TMPRSS15: variants seen among roughly 807,000 people sequenced by gnomAD.
TMPRSS15 encodes the protein transmembrane serine protease 15.
A neutral mutation model predicts 125.3 loss-of-function variants in TMPRSS15; 128 were observed. That is an observed-to-expected ratio of 1.02 (90% CI 0.89 to 1.18). The LOEUF is 1.18. TMPRSS15 is among the 50% of genes most tolerant of loss of function. TMPRSS15 has a pLI of 0.00. For synonymous variants in TMPRSS15, 446 were observed against 423.2 expected (o/e 1.05, Z -0.66); for missense variants, 1,283 against 1,212.7 (o/e 1.06, Z -0.86).
At chr21:18,398,016 C>T in intron 2 of TMPRSS15, 70 bp from the exon 3 acceptor site, 1 of 1,261,372 alleles carries the variant, frequency 7.9e-7, no homozygotes, top group Non-Finnish European at 1.1e-6. Context: ...AAAATTTATA[C>T]AAAGCAATCT....
intron 12 of TMPRSS15, among the ~76,000 whole-genome samples, chr21:18,341,776 A>G (rs1178661527): frequency 6.6e-6 from 1 of 152,174 alleles, no homozygotes; most frequent in African/African-American, 2.4e-5. Flanking sequence ...TAAATTTCCA[A>G]TGATGTCTTC....
At chr21:18,329,068 C>T in intron 15 of TMPRSS15, 101 bp downstream of exon 15, 3 of 1,391,782 alleles carry the variant, frequency 2.2e-6, no homozygotes, top group Non-Finnish European at 3.0e-6. Context: ...TTTCATTTTG[C>T]AAGTTGTAAA....
At chr21:18,367,577 G>T (rs573684766) in intron 6 of TMPRSS15, among the ~76,000 whole-genome samples, 2 of 152,252 alleles carry the variant, frequency 1.3e-5, no homozygotes, top group South Asian at 2.1e-4. Flanking sequence ...TGGACTCAAA[G>T]ATTGTAGACA....
At chr21:18,390,408 A>G (rs925702542) in intron 3 of TMPRSS15, among the ~76,000 whole-genome samples, 5 of 152,208 alleles carry the variant, frequency 3.3e-5, no homozygotes, top group African/African-American at 1.2e-4. Flanking sequence ...AACCTCTAAC[A>G]TAATATTCAT....
chr21:18,442,575 C>T (rs2076244769), intron 1 of TMPRSS15, among the ~76,000 whole-genome samples: 1 of 152,108 alleles, frequency 6.6e-6, no homozygotes, highest in African/African-American at 2.4e-5. Context: ...GAAAAAACTC[C>T]CTTGCATCAC....
chr21:18,347,739 A>T (rs543662047), intron 10 of TMPRSS15, among the ~76,000 whole-genome samples: 1 of 152,286 alleles, frequency 6.6e-6, no homozygotes, highest in South Asian at 2.1e-4. Context: ...TCATAACCAC[A>T]TGGGAATTTA....
intron 5 of TMPRSS15, among the ~76,000 whole-genome samples, chr21:18,376,862 G>A (rs542721499): frequency 5.3e-5 from 8 of 152,226 alleles, no homozygotes; most frequent in South Asian, 4.1e-4. Flanking sequence ...ACTTTGTACC[G>A]TTATCACAAA....
At chr21:18,301,613 G>A (rs76177385) in intron 18 of TMPRSS15, among the ~76,000 whole-genome samples, 2 of 152,082 alleles carry the variant, frequency 1.3e-5, no homozygotes, top group South Asian at 2.1e-4. Context: ...GGCACTCTGC[G>A]AAGATTAAAA....
intron 1 of TMPRSS15, among the ~76,000 whole-genome samples, chr21:18,437,544 C>T (rs1462693024): frequency 1.3e-5 from 2 of 152,086 alleles, no homozygotes; most frequent in Admixed American, 6.5e-5. Flanking sequence ...AGGCAACCTA[C>T]AAAATGGGAG....
chr21:18,337,828 C>T lies in TMPRSS15; in HGVS notation c.1564+3585G>A, dbSNP rs183416943. Among the ~76,000 whole-genome samples the T allele has an allele frequency of 5.9e-5, 9 of 152,238 alleles. No individual in the cohort carries two copies. The East Asian group carries it at 1.4e-3, about 23-fold the overall frequency. On this transcript the variant is annotated intron_variant, in intron 13 of 24. Coordinates refer to ENST00000284885, the MANE Select transcript of TMPRSS15 (RefSeq NM_002772.3). ...GATCTGGAACCAAAAAAGCTCTACT[C>T]AAATAAGAATTTCACTGAACCAATT...
intron 1 of TMPRSS15, among the ~76,000 whole-genome samples, chr21:18,429,527 G>T (rs2076211781): frequency 6.6e-6 from 1 of 152,192 alleles, no homozygotes; most frequent in African/African-American, 2.4e-5. Flanking sequence ...CTCCCATACT[G>T]TTCTTATGGT....
At chr21:18,318,098 A>G (rs1214765867) in intron 16 of TMPRSS15, among the ~76,000 whole-genome samples, 5 of 152,196 alleles carry the variant, frequency 3.3e-5, no homozygotes, top group African/African-American at 4.8e-5. Flanking sequence ...AAAGATTGGT[A>G]TCAATTCCTA....
At chr21:18,430,406 G>C (rs1954396996) in intron 1 of TMPRSS15, among the ~76,000 whole-genome samples, 1 of 151,896 alleles carries the variant, frequency 6.6e-6, no homozygotes, top group African/African-American at 2.4e-5. Flanking sequence ...TACTTATTTT[G>C]GCAGCAGAAA....
At chr21:18,370,688 T>C (rs2075783725) in intron 6 of TMPRSS15, among the ~76,000 whole-genome samples, 1 of 152,166 alleles carries the variant, frequency 6.6e-6, no homozygotes, top group South Asian at 2.1e-4. Flanking sequence ...AGTTAAACTT[T>C]AAAGGTCTGA....
chr21:18,453,239 C>A (rs1031564555), intron 1 of TMPRSS15, among the ~76,000 whole-genome samples: 1 of 152,114 alleles, frequency 6.6e-6, no homozygotes, highest in African/African-American at 2.4e-5. Context: ...GCATCTGGAT[C>A]TCTCAAAAAT....
intron 1 of TMPRSS15, among the ~76,000 whole-genome samples, chr21:18,467,819 A>G (rs181555885): frequency 6.6e-6 from 1 of 152,266 alleles, no homozygotes; most frequent in Admixed American, 6.6e-5. Context: ...GATGCTACCA[A>G]TAAACGAATC....
At chr21:18,297,168 G>T (rs1262565433) in intron 19 of TMPRSS15, among the ~76,000 whole-genome samples, 5 of 152,132 alleles carry the variant, frequency 3.3e-5, no homozygotes, top group Non-Finnish European at 7.4e-5. Flanking sequence ...ATACAGGAAA[G>T]ATGCTGCTTT....
upstream of TMPRSS15, among the ~76,000 whole-genome samples, chr21:18,405,362 C>CT (rs1023756351): frequency 1.3e-5 from 2 of 151,864 alleles, no homozygotes; most frequent in African/African-American, 4.8e-5. Flanking sequence ...GAAAGAATAG[C>CT]TTTTTTAAAG....
rs142948133 is a variant in TMPRSS15, at chr21:18,463,901, G to A, written c.10+21898C>T. Among the ~76,000 whole-genome samples the A allele has an allele frequency of 2.5e-3, 381 of 152,160 alleles. 2 individuals are homozygous for A. The highest frequency in any genetic ancestry group is 8.6e-3 in the African/African-American group (359 of 41,540). On this transcript the variant is annotated intron_variant, in intron 1 of 7. Transcript: ENST00000422787. Reference sequence around the variant, plus strand: ...AAATAAAGAAGTTCTTTGGCCAGGCGTGGTGGCTCACGGCTGTAATCCCAG... The same window carrying A: ...AAATAAAGAAGTTCTTTGGCCAGGCATGGTGGCTCACGGCTGTAATCCCAG...
Sources: gnomAD v4.1 joint callset for allele counts (sites outside exome capture counted in the v4.1 genomes callset) on GRCh38, gnomAD v4.1.1 for gene constraint, MANE v1.5 for transcripts, NCBI Gene and HGNC (gene_info 2026-07-23, HGNC 2026-07-21) for gene names.